MYO15A: variants seen among roughly 807,000 people sequenced by gnomAD.
MYO15A encodes the protein myosin XVA, also known as unconventional myosin-XV.
MYO15A carries 308 observed loss-of-function variants against 394.6 expected under a neutral mutation model. The ratio of observed to expected loss-of-function variants is 0.78; its 90% CI spans 0.71 to 0.86. The LOEUF (loss-of-function observed/expected upper bound fraction) is 0.86. MYO15A is among the 40% of genes least tolerant of loss of function. The probability of loss-of-function intolerance (pLI) is 0.00; values close to 1 mark genes in which losing one functional copy is unlikely to be tolerated. For synonymous variants in MYO15A, 1,957 were observed against 2,003.8 expected (o/e 0.98, Z 0.62); for missense variants, 4,606 against 4,799.1 (o/e 0.96, Z 1.19).
At chr17:18,156,101 T>G in intron 47 of MYO15A, 94 bp from the exon 48 acceptor site, 2 of 1,598,024 alleles carry the variant, frequency 1.3e-6, no homozygotes, top group Non-Finnish European at 1.7e-6. Flanking sequence ...GGGGCTGGGC[T>G]TCAAATGGGG....
chr17:18,131,445 G>A, intron 9 of MYO15A, 23 bp from the exon 10 acceptor site: 1 of 1,613,664 alleles, frequency 6.2e-7, no homozygotes, highest in Non-Finnish European at 8.5e-7. Context: ...CTCACTGAGA[G>A]CTGACTGTGC....
At chr17:18,118,460 G>A in intron 1 of MYO15A, 122 bp from the exon 2 acceptor site, 1 of 365,264 alleles carries the variant, frequency 2.7e-6, no homozygotes, top group South Asian at 2.9e-5. Flanking sequence ...GGCCTAACCA[G>A]GATGAGCACT....
intron 42 of MYO15A, 115 bp downstream of exon 42, chr17:18,152,299 C>T (rs1223265006): frequency 1.9e-6 from 2 of 1,031,268 alleles, no homozygotes; most frequent in Non-Finnish European, 1.5e-6. Flanking sequence ...CCCCTGTGTA[C>T]ATCTTGTGAG....
Position 18,132,508 on chromosome 17 carries a change from C to T in MYO15A, c.4262C>T (p.Ala1421Val). The T allele has an allele frequency of 1.9e-6, 3 of 1,613,816 alleles. No individual in the cohort carries two copies. Among genetic ancestry groups the T allele is most frequent in the Non-Finnish European group, 2.5e-6 (3 of 1,180,028 alleles). ...TACGAGTTGCTGGCCGGGTTGCCTG[C>T]CCAGCTCAGGCAGGCCTTTAGCCTG... ...IFYELLAGLP[A>V]QLRQAFSLQE... Residue 1421 changes from alanine to valine, a missense_variant, in exon 11 of 66, where the codon GCC becomes GTC. Physicochemically the swap from Ala to Val is moderately conservative, Grantham distance 64 (BLOSUM62 0). This residue lies in a region of MYO15A where 2,776 missense variants were observed against 3,109.3 expected (regional missense o/e 0.89). Coordinates refer to ENST00000647165, the MANE Select transcript of MYO15A (RefSeq NM_016239.4). This position sits in a 1 kb window ranked among gnomAD's most constrained non-coding sequence, Gnocchi z 4.6.
chr17:18,119,977 T>A lies in MYO15A; in HGVS notation c.1177T>A (p.Tyr393Asn). 6.2e-7 allele frequency: 1 copy of A among 1,613,688 alleles called. No individual in the cohort carries two copies. The highest frequency in any genetic ancestry group is 1.6e-4 in the Middle Eastern group (1 of 6,062). The change falls in exon 2 of 66, where the codon TAC (tyrosine) becomes AAC (asparagine). Residue 393 changes from tyrosine (Y) to asparagine (N), a missense_variant. Coordinates refer to ENST00000647165, the MANE Select transcript of MYO15A (RefSeq NM_016239.4). ...GVYGGGDEAI[Y>N]PPEVPYFYPE... is the part of the protein sequence containing the mutation. ...CTATGGCGGTGGGGACGAGGCCATC[T>A]ACCCCCCCGAGGTGCCCTATTTTTA...
intron 9 of MYO15A, 31 bp from the exon 10 acceptor site, chr17:18,131,437 C>T (rs890314820): frequency 2.5e-6 from 4 of 1,613,594 alleles, no homozygotes; most frequent in Non-Finnish European, 1.7e-6. Context: ...CTCCTACCCT[C>T]ACTGAGAGCT....
At position 18,119,578 on chromosome 17, in the gene MYO15A, T is replaced by C. The variant is rs1337291657; in HGVS notation, c.778T>C (p.Tyr260His). The C allele has an allele frequency of 2.5e-6, 4 of 1,605,658 alleles. No homozygotes were observed. In the South Asian group the frequency reaches 3.3e-5, roughly 13 times the overall value. Reference protein sequence around the residue: ...SLHRYEEQEPYLAGLGPYSPA... With the variant: ...SLHRYEEQEPHLAGLGPYSPA... ...CCACCGCTACGAGGAGCAGGAACCC[T>C]ACCTGGCGGGCCTCGGCCCCTACAG... The change falls in exon 2 of 66, where the codon TAC becomes CAC. Residue 260 changes from tyrosine (Y) to histidine (H), a missense_variant. Physicochemically the swap from Tyr to His is moderately conservative, Grantham distance 83 (BLOSUM62 2). Coordinates refer to ENST00000647165, the MANE Select transcript of MYO15A (RefSeq NM_016239.4).
intron 28 of MYO15A, 61 bp from the exon 29 acceptor site, chr17:18,144,436 T>C (rs1403430751): frequency 3.3e-5 from 46 of 1,410,374 alleles, no homozygotes; most frequent in Non-Finnish European, 4.3e-5. Flanking sequence ...CACAGAGCAG[T>C]GGGTCCAGAT....
Position 18,119,739 on chromosome 17 carries a change from A to G in MYO15A, c.939A>G (p.Glu313=), listed in dbSNP as rs201690788. 50 of 1,612,312 alleles carry G rather than the reference A, an allele frequency of 3.1e-5. No homozygotes were observed. The highest frequency in any genetic ancestry group is 4.1e-5 in the Non-Finnish European group (48 of 1,179,950). ...ACGGCTACGGCTACGACGATTACGA[A>G]CCCCCATATGCGCCCCCGTCGGGGT... The part of the protein sequence containing the change: ...YTYGYGYDDY[E]PPYAPPSGYS... Residue 313 remains glutamate (E), a synonymous_variant, in exon 2 of 66, where the codon GAA becomes GAG. Coordinates refer to ENST00000647165, the MANE Select transcript of MYO15A (RefSeq NM_016239.4).
chr17:18,149,185 G>T (rs2046535886), intron 33 of MYO15A, 31 bp from the exon 34 acceptor site: 14 of 1,613,294 alleles, frequency 8.7e-6, no homozygotes, highest in East Asian at 2.2e-5. Context: ...CTCTCTGGGG[G>T]TCAGTAGCTC....
chr17:18,136,452 T>G lies in MYO15A; in HGVS notation c.4632T>G (p.Thr1544=), dbSNP rs907806809. The G allele has an allele frequency of 8.1e-6, 13 of 1,613,848 alleles. No individual in the cohort carries two copies. The highest frequency in any genetic ancestry group is 1.1e-5 in the Non-Finnish European group (13 of 1,180,028). The change falls in exon 14 of 66, where the codon ACT becomes ACG. Residue 1544 remains threonine, a synonymous_variant. Coordinates refer to ENST00000647165, the MANE Select transcript of MYO15A (RefSeq NM_016239.4). ...TMREKIFTPL[T]VESAVDARDA... ...GAGAGAAGATCTTCACGCCCCTAAC[T>G]GTGGAGAGCGCTGTGGATGCCAGGT...
In MYO15A at chr17:18,127,098, CTG is replaced by C; in HGVS notation, c.3966_3967del (p.Glu1323GlyfsTer36). The C allele has an allele frequency of 2.5e-6, 4 of 1,614,086 alleles. No individual in the cohort carries two copies. Among genetic ancestry groups the C allele is most frequent in the Non-Finnish European group, 3.4e-6 (4 of 1,180,016 alleles). On this transcript the variant is annotated frameshift_variant, in exon 7 of 66. Coordinates refer to ENST00000647165, the MANE Select transcript of MYO15A (RefSeq NM_016239.4). LOFTEE classifies it high-confidence loss of function. Reference sequence around the variant, plus strand: ...AGTGGAGAGAGCGGCTCTGGCAAAACTGAGGCCACCAAGCTGATTCTGCGCTA... The same window carrying C: ...AGTGGAGAGAGCGGCTCTGGCAAAACAGGCCACCAAGCTGATTCTGCGCTA...
rs776567854 is a variant in MYO15A, at chr17:18,119,263, A to T, written c.463A>T (p.Thr155Ser). The part of the protein sequence containing the change: ...KAEESGSEQA[T>S]VDAWLQRSSS... ...CGAGGAGTCGGGCAGCGAACAGGCC[A>T]CAGTGGACGCCTGGCTGCAGCGCTC... Residue 155 changes from threonine (T) to serine (S), a missense_variant, in exon 2 of 66, where the codon ACA (threonine) becomes TCA (serine). By Grantham distance (58) the Thr-to-Ser change is moderately conservative (BLOSUM62 1). Around this residue, in one of 2 missense-constraint regions of MYO15A, gnomAD observed 1,830 missense variants for 1,689.7 expected, o/e 1.08. Transcript: ENST00000647165. 9.3e-6 allele frequency: 15 copies of T among 1,612,132 alleles called. No individual in the cohort carries two copies. The highest frequency in any genetic ancestry group is 1.2e-5 in the Non-Finnish European group (14 of 1,179,860).
rs371527206 is a variant in MYO15A at position 18,122,886 on chromosome 17, TG to T, written c.3609+478del. 838 of 164,852 alleles carry T rather than the reference TG, an allele frequency of 5.1e-3. 6 individuals are homozygous for T. The highest frequency in any genetic ancestry group is 0.019 in the African/African-American group (806 of 41,726). The allele number at this position is 164,852 out of a possible 1,614,324, so 10.2% of individuals were successfully genotyped here. A position where few individuals can be genotyped will look rare whatever the true frequency, so the allele number is the denominator to read the frequency against. ...AAGCCTCCTGTTTCCTCAGGGTTTTTGCTGCCCTTTGAAGTCCCCTGGGCTG... is the reference window on the plus strand; with the variant it reads ...AAGCCTCCTGTTTCCTCAGGGTTTTTCTGCCCTTTGAAGTCCCCTGGGCTG... On this transcript the variant is annotated intron_variant, in intron 2 of 65. Coordinates refer to ENST00000647165, the MANE Select transcript of MYO15A (RefSeq NM_016239.4).
chr17:18,138,162 T>C lies in MYO15A; in HGVS notation c.4923T>C (p.Ala1641=), dbSNP rs1226758004. 6.2e-7 allele frequency: 1 copy of C among 1,613,648 alleles called. No homozygotes were observed. Among genetic ancestry groups the C allele is most frequent in the Middle Eastern group, 1.6e-4 (1 of 6,062 alleles). The change falls in exon 17 of 66, where the codon GCT becomes GCC. Residue 1641 remains alanine, a synonymous_variant. Coordinates refer to ENST00000647165, the MANE Select transcript of MYO15A (RefSeq NM_016239.4). ...TAGACTGGCAGGAGATCACCTTTGC[T>C]GACAACCAGCCCTGCATCAACCTCA... ...EQIDWQEITF[A]DNQPCINLIS...
At position 18,119,257 on chromosome 17, in the gene MYO15A, C is replaced by G. The variant is rs747175169; in HGVS notation, c.457C>G (p.Gln153Glu). The change falls in exon 2 of 66, where the codon CAG becomes GAG. Residue 153 changes from glutamine (Q) to glutamate (E), a missense_variant. This residue lies in a region of MYO15A where 1,830 missense variants were observed against 1,689.7 expected (regional missense o/e 1.08). Transcript: ENST00000647165. The stretch of plus-strand genomic sequence containing the variant: ...GAAGGCCGAGGAGTCGGGCAGCGAA[C>G]AGGCCACAGTGGACGCCTGGCTGCA... ...LKKAEESGSEQATVDAWLQRS... is the reference protein window; with the variant it reads ...LKKAEESGSEEATVDAWLQRS... The G allele has an allele frequency of 1.9e-6, 3 of 1,612,350 alleles. No individual in the cohort carries two copies. Among genetic ancestry groups the G allele is most frequent in the East Asian group, 4.5e-5 (2 of 44,860 alleles).
chr17:18,166,748 A>G lies in MYO15A; in HGVS notation c.9948+227A>G, dbSNP rs854795. ...GCCATCCCTCCATCTGTGCTTCCTGACTTATTTAAGTCCTTCCCAGCAAGC... is the reference window on the plus strand; with the variant it reads ...GCCATCCCTCCATCTGTGCTTCCTGGCTTATTTAAGTCCTTCCCAGCAAGC... On this transcript the variant is annotated intron_variant, in intron 61 of 65. Coordinates refer to ENST00000647165, the MANE Select transcript of MYO15A (RefSeq NM_016239.4). Among the ~76,000 whole-genome samples, 90,403 of 151,972 alleles carry G rather than the reference A, an allele frequency of 0.59. 27,969 individuals carry two copies. The highest frequency in any genetic ancestry group is 0.67 in the Middle Eastern group (198 of 294).
intron 29 of MYO15A, among the ~76,000 whole-genome samples, chr17:18,145,140 A>C (rs1261467450): frequency 6.6e-6 from 1 of 152,130 alleles, no homozygotes; most frequent in Non-Finnish European, 1.5e-5. Flanking sequence ...TGAGGCCTTG[A>C]TTACAGTACC....
intron 29 of MYO15A, among the ~76,000 whole-genome samples, chr17:18,145,273 G>A (rs2046455072): frequency 1.3e-5 from 2 of 152,096 alleles, no homozygotes; most frequent in African/African-American, 4.8e-5. Context: ...AGGAGGTGGG[G>A]GCTGGCTGGA....
Sources: allele counts gnomAD v4.1 joint callset (sites outside exome capture counted in the v4.1 genomes callset), GRCh38; gene constraint gnomAD v4.1.1; regional missense constraint gnomAD v4.1.1; non-coding constraint Gnocchi (gnomAD v3.1); transcripts MANE v1.5; gene names NCBI Gene and HGNC (gene_info 2026-07-23, HGNC 2026-07-21).